PLCL1: variants seen among roughly 807,000 people sequenced by gnomAD.
PLCL1 encodes the protein phospholipase C like 1 (inactive).
In PLCL1, 41 loss-of-function variants were observed where a neutral mutation model predicts 84.4. That is an observed-to-expected ratio of 0.49 (90% CI 0.38 to 0.63). The LOEUF (loss-of-function observed/expected upper bound fraction) is 0.63. Among genes scored for constraint, PLCL1 ranks in the 30% least tolerant of loss-of-function variants. PLCL1 has a pLI of 0.00. For synonymous variants in PLCL1, 490 were observed against 488.3 expected (o/e 1.00, Z -0.05); for missense variants, 1,206 against 1,367.8 (o/e 0.88, Z 1.87).
chr2:198,147,439 T>C lies in PLCL1; in HGVS notation c.*477T>C, dbSNP rs1176148419. 1 of 152,316 alleles carries C rather than the reference T, an allele frequency of 6.6e-6. No individual in the cohort carries two copies. The highest frequency in any genetic ancestry group is 6.6e-5 in the Admixed American group (1 of 15,266). 9.4% of individuals were successfully genotyped at this position (152,316 alleles called of 1,614,324 possible). A position where few individuals can be genotyped will look rare whatever the true frequency, so the allele number is the denominator to read the frequency against. ...TTAATTTAGTGATCTTAGCATAGCT[T>C]ATTATTGAAGGAAGCCAAATTTATC... On this transcript the variant is annotated 3_prime_UTR_variant, in exon 6 of 6. Transcript: ENST00000428675.
chr2:197,888,147 A>G (rs944735459), intron 1 of PLCL1, among the ~76,000 whole-genome samples: 4 of 151,904 alleles, frequency 2.6e-5, no homozygotes, highest in Non-Finnish European at 5.9e-5. Context: ...GAGATTGAGC[A>G]TTTTCCCCCC....
At chr2:197,930,424 G>C (rs1688909477) in intron 1 of PLCL1, among the ~76,000 whole-genome samples, 1 of 152,164 alleles carries the variant, frequency 6.6e-6, no homozygotes, top group Admixed American at 6.6e-5. Context: ...GAAATGTCTT[G>C]AGGGAAAGAT....
At chr2:198,115,091 G>T (rs1189439424) in intron 5 of PLCL1, among the ~76,000 whole-genome samples, 1 of 151,834 alleles carries the variant, frequency 6.6e-6, no homozygotes, top group East Asian at 1.9e-4. Flanking sequence ...GGAGTGGGTA[G>T]CGTGATCCCA....
At chr2:198,121,501 A>T (rs928767117) in intron 5 of PLCL1, among the ~76,000 whole-genome samples, 4 of 151,998 alleles carry the variant, frequency 2.6e-5, no homozygotes, top group Non-Finnish European at 4.4e-5. Flanking sequence ...AGAGATAGGG[A>T]TCTAGTTTCA....
At chr2:197,943,633 T>C (rs1349986982) in intron 1 of PLCL1, among the ~76,000 whole-genome samples, 1 of 151,080 alleles carries the variant, frequency 6.6e-6, no homozygotes, top group Admixed American at 6.6e-5. Flanking sequence ...ACATCTTTTT[T>C]TTTTTTTTTT....
At chr2:197,919,436 A>T (rs1480596026) in intron 1 of PLCL1, among the ~76,000 whole-genome samples, 1 of 152,228 alleles carries the variant, frequency 6.6e-6, no homozygotes, top group Non-Finnish European at 1.5e-5. Flanking sequence ...CATAACTAAA[A>T]AAATCAAAAT....
intron 1 of PLCL1, among the ~76,000 whole-genome samples, chr2:197,849,705 G>C (rs1352999305): frequency 6.6e-6 from 1 of 152,064 alleles, no homozygotes; most frequent in Non-Finnish European, 1.5e-5. Context: ...GTGGTGGGTA[G>C]AGAGTGAGAG....
intron 1 of PLCL1, among the ~76,000 whole-genome samples, chr2:197,916,897 T>C (rs1194545284): frequency 2.0e-5 from 3 of 152,302 alleles, no homozygotes; most frequent in Middle Eastern, 3.4e-3. Context: ...TAGACAAGAT[T>C]AGGCATGTTC....
intron 1 of PLCL1, among the ~76,000 whole-genome samples, chr2:197,829,122 T>G (rs919001174): frequency 6.6e-6 from 1 of 152,248 alleles, no homozygotes; most frequent in African/African-American, 2.4e-5. Flanking sequence ...CAAAATTATT[T>G]ATTGTTTATT....
intron 5 of PLCL1, among the ~76,000 whole-genome samples, chr2:198,137,233 T>C (rs1694274926): frequency 6.6e-6 from 1 of 152,196 alleles, no homozygotes; most frequent in Admixed American, 6.5e-5. Context: ...TTCACACTTA[T>C]TTCTCGTGTG....
chr2:197,813,856 T>C (rs1426846661), intron 1 of PLCL1, among the ~76,000 whole-genome samples: 2 of 152,172 alleles, frequency 1.3e-5, no homozygotes, highest in Admixed American at 6.5e-5. Context: ...TTATGCTATA[T>C]GTTCTTATCC....
At chr2:198,110,809 A>C (rs1693600641) in intron 5 of PLCL1, among the ~76,000 whole-genome samples, 1 of 151,804 alleles carries the variant, frequency 6.6e-6, no homozygotes, top group African/African-American at 2.4e-5. Context: ...AGTATCATCC[A>C]CATTGTCTAT....
At chr2:198,036,136 T>G (rs1290899170) in intron 1 of PLCL1, among the ~76,000 whole-genome samples, 1 of 152,230 alleles carries the variant, frequency 6.6e-6, no homozygotes, top group African/African-American at 2.4e-5. Flanking sequence ...TGAATTCTCT[T>G]TTTTAATAAC....
intron 1 of PLCL1, among the ~76,000 whole-genome samples, chr2:198,071,243 T>C (rs1692457808): frequency 6.6e-6 from 1 of 151,936 alleles, no homozygotes; most frequent in South Asian, 2.1e-4. Context: ...TTGGAATGGA[T>C]GTTTAGTTTA....
chr2:198,101,288 A>G lies in PLCL1; in HGVS notation c.2923A>G (p.Ile975Val), dbSNP rs1574312777. ...TTTGATGTTTATTTTGTAACAGATG[A>G]TTCAAGAGAGCCGGTTTCTCATAGA... ...KKMLTAYDLM[I>V]QESRFLIEMA... The change falls in exon 4 of 6, where the codon ATT (isoleucine) becomes GTT (valine). Residue 975 changes from isoleucine to valine, a missense_variant. Physicochemically the swap from Ile to Val is conservative, Grantham distance 29 (BLOSUM62 3). Coordinates refer to ENST00000428675, the MANE Select transcript of PLCL1 (RefSeq NM_006226.4). 6.3e-7 allele frequency: 1 copy of G among 1,588,258 alleles called. No homozygotes were observed. Among genetic ancestry groups the G allele is most frequent in the South Asian group, 1.1e-5 (1 of 90,128 alleles).
intron 1 of PLCL1, among the ~76,000 whole-genome samples, chr2:198,030,084 G>A (rs1431029957): frequency 1.3e-5 from 2 of 152,202 alleles, no homozygotes; most frequent in East Asian, 3.9e-4. Flanking sequence ...ATGGGGGTTT[G>A]CTGCACAGCT....
intron 5 of PLCL1, among the ~76,000 whole-genome samples, chr2:198,139,529 C>T (rs1245017197): frequency 1.3e-5 from 2 of 152,140 alleles, no homozygotes; most frequent in African/African-American, 4.8e-5. Flanking sequence ...TCACATATGG[C>T]AATACATGTT....
At chr2:197,927,726 A>G (rs1688859199) in intron 1 of PLCL1, among the ~76,000 whole-genome samples, 1 of 152,180 alleles carries the variant, frequency 6.6e-6, no homozygotes, top group African/African-American at 2.4e-5. Flanking sequence ...ACCTTCCTTC[A>G]TGGGTCAAAC....
rs1360021189 is a variant in PLCL1 at position 197,897,150 on chromosome 2, CT to C, written c.240+91813del. Among the ~76,000 whole-genome samples, 2 of 31,868 alleles carry C rather than the reference CT, an allele frequency of 6.3e-5. 1 individual carries two copies. The highest frequency in any genetic ancestry group is 4.8e-4 in the African/African-American group (2 of 4,134). 20.9% of individuals were successfully genotyped at this position (31,868 alleles called of 152,430 possible). A position where few individuals can be genotyped will look rare whatever the true frequency, so the allele number is the denominator to read the frequency against. On this transcript the variant is annotated intron_variant, in intron 1 of 5. Coordinates refer to ENST00000428675, the MANE Select transcript of PLCL1 (RefSeq NM_006226.4). ...TCTTCTTCTTCTTCTTCTTCTTCTT[CT>C]TCTTCTTCTTCTTCTTCTTCTTCTT...
Sources: gnomAD v4.1 joint callset for allele counts (sites outside exome capture counted in the v4.1 genomes callset) on GRCh38, gnomAD v4.1.1 for gene constraint, MANE v1.5 for transcripts, NCBI Gene and HGNC (gene_info 2026-07-23, HGNC 2026-07-21) for gene names.